The following SLC8A1 variants were observed in gnomAD, a reference collection of about 807,000 sequenced individuals.
SLC8A1 encodes the protein solute carrier family 8 member A1.
In SLC8A1, 18 loss-of-function variants were observed where a neutral mutation model predicts 68.3. The observed-to-expected ratio is 0.26, with a 90% confidence interval of 0.18 to 0.39. The LOEUF (loss-of-function observed/expected upper bound fraction) is 0.39. Ranked by LOEUF, SLC8A1 falls within the 10% of genes least tolerant of loss-of-function variation. The pLI, the probability that SLC8A1 is intolerant of heterozygous loss-of-function variation, is 1.00. For missense variants in SLC8A1, 985 were observed against 1,156.7 expected (o/e 0.85, Z 2.15); for synonymous variants, 475 against 415.5 (o/e 1.14, Z -1.74).
At chr2:40,270,678 T>C (rs1357793198) in intron 2 of SLC8A1, among the ~76,000 whole-genome samples, 1 of 152,210 alleles carries the variant, frequency 6.6e-6, no homozygotes, top group African/African-American at 2.4e-5. Flanking sequence ...TCTCAAGGAC[T>C]TAATCACACC....
chr2:40,135,363 G>T (rs12712683), intron 7 of SLC8A1, among the ~76,000 whole-genome samples: 2 of 151,832 alleles, frequency 1.3e-5, no homozygotes, highest in African/African-American at 2.4e-5. Flanking sequence ...GTGTAGACTA[G>T]GATGGTGGTG....
chr2:40,471,349 G>T (rs1703978375), intron 1 of SLC8A1, among the ~76,000 whole-genome samples: 1 of 151,814 alleles, frequency 6.6e-6, no homozygotes, highest in Non-Finnish European at 1.5e-5. Context: ...TTTCTACCTT[G>T]AAAGTCCTAC....
At chr2:40,167,878 C>A (rs1199669109) in intron 4 of SLC8A1, among the ~76,000 whole-genome samples, 1 of 152,120 alleles carries the variant, frequency 6.6e-6, no homozygotes, top group African/African-American at 2.4e-5. Context: ...ATATAAATAT[C>A]CAGCACATAA....
intron 6 of SLC8A1, among the ~76,000 whole-genome samples, chr2:40,159,166 C>G (rs553891041): frequency 1.3e-5 from 2 of 152,294 alleles, no homozygotes; most frequent in South Asian, 4.1e-4. Context: ...ATTTCCTGTT[C>G]CCTTCCACAG....
chr2:40,255,128 A>G (rs1368119164), intron 2 of SLC8A1: 1 of 151,930 alleles, frequency 6.6e-6, no homozygotes, highest in African/African-American at 2.4e-5. Context: ...TTTTCCTCCT[A>G]GTTGTTGGTT....
At position 40,413,968 on chromosome 2, in the gene SLC8A1, G is replaced by A. The variant is rs893219331; in HGVS notation, c.1808+14505C>T. Among the ~76,000 whole-genome samples, 2 of 152,068 alleles carry A rather than the reference G, an allele frequency of 1.3e-5. 1 individual carries two copies. The highest frequency in any genetic ancestry group is 2.9e-5 in the Non-Finnish European group (2 of 68,018). On this transcript the variant is annotated intron_variant, in intron 2 of 7. Transcript: ENST00000406785. ...CAACAGTTAAGAAAATTAATTTGTTGAGCATCATATTTTATACTAATTAAA... is the reference window on the plus strand; with the variant it reads ...CAACAGTTAAGAAAATTAATTTGTTAAGCATCATATTTTATACTAATTAAA...
At chr2:40,412,699 C>T (rs1692532639) in intron 2 of SLC8A1, among the ~76,000 whole-genome samples, 1 of 152,140 alleles carries the variant, frequency 6.6e-6, no homozygotes, top group Admixed American at 6.6e-5. Flanking sequence ...GTCCACAAAA[C>T]CACAGCTGCT....
At chr2:40,290,143 T>G (rs2069035837) in intron 2 of SLC8A1, among the ~76,000 whole-genome samples, 1 of 152,010 alleles carries the variant, frequency 6.6e-6, no homozygotes, top group Non-Finnish European at 1.5e-5. Flanking sequence ...AACTGTTGGT[T>G]CCATTAAGTC....
intron 2 of SLC8A1, among the ~76,000 whole-genome samples, chr2:40,406,815 G>C (rs548369557): frequency 5.3e-5 from 8 of 152,276 alleles, no homozygotes; most frequent in African/African-American, 1.9e-4. Flanking sequence ...TCTGCAGAGG[G>C]ACCTAACTTC....
chr2:40,229,982 A>G (rs2059453174), intron 2 of SLC8A1, among the ~76,000 whole-genome samples: 1 of 152,180 alleles, frequency 6.6e-6, no homozygotes, highest in Non-Finnish European at 1.5e-5. Flanking sequence ...AAAATCTTAG[A>G]GATCAACTAA....
intron 2 of SLC8A1, among the ~76,000 whole-genome samples, chr2:40,359,443 C>T (rs778149320): frequency 9.9e-5 from 15 of 152,030 alleles, no homozygotes; most frequent in Middle Eastern, 6.8e-3. Flanking sequence ...GGGTTTTTGT[C>T]CTGAGCGCAA....
At chr2:40,368,089 C>A (rs1676838718) in intron 2 of SLC8A1, among the ~76,000 whole-genome samples, 1 of 152,032 alleles carries the variant, frequency 6.6e-6, no homozygotes, top group African/African-American at 2.4e-5. Context: ...ATCTGTAGCT[C>A]TGATTAAGCA....
intron 2 of SLC8A1, among the ~76,000 whole-genome samples, chr2:40,205,786 A>C (rs1350897035): frequency 6.7e-6 from 1 of 150,064 alleles, no homozygotes; most frequent in African/African-American, 2.4e-5. Flanking sequence ...GCGCTTGTAC[A>C]TCTGAACTTA....
intron 2 of SLC8A1, among the ~76,000 whole-genome samples, chr2:40,244,273 C>T (rs1574609742): frequency 6.6e-6 from 1 of 152,028 alleles, no homozygotes; most frequent in African/African-American, 2.4e-5. Context: ...ATGAAGAGAC[C>T]CACAGGCTAA....
At position 40,176,038 on chromosome 2, in the gene SLC8A1, G is replaced by A. The variant is rs561810688; in HGVS notation, c.1913-1196C>T. 2.1e-5 allele frequency: 9 copies of A among 432,748 alleles called. No homozygotes were observed. The East Asian group carries it at 6.0e-4, about 29-fold the overall frequency. The allele number at this position is 432,748 out of a possible 1,614,324, so 26.8% of individuals were successfully genotyped here. ...TGACAGGGCATTGGGTTGGGGGGAGGGGGACGTATAATTTGTCTTTCAGCT... is the reference window on the plus strand; with the variant it reads ...TGACAGGGCATTGGGTTGGGGGGAGAGGGACGTATAATTTGTCTTTCAGCT... On this transcript the variant is annotated intron_variant, in intron 3 of 7. Transcript: ENST00000406785.
At chr2:40,350,850 A>T (rs981481932) in intron 2 of SLC8A1, among the ~76,000 whole-genome samples, 1 of 152,094 alleles carries the variant, frequency 6.6e-6, no homozygotes, top group Non-Finnish European at 1.5e-5. Flanking sequence ...TATAATTCTC[A>T]AAATAATCAT....
At chr2:40,373,947 G>A (rs541781140) in intron 2 of SLC8A1, among the ~76,000 whole-genome samples, 4 of 152,078 alleles carry the variant, frequency 2.6e-5, no homozygotes, top group East Asian at 1.9e-4. Flanking sequence ...CAACTTGATA[G>A]AGCAAATAAA....
intron 5 of SLC8A1, among the ~76,000 whole-genome samples, chr2:40,163,301 T>A (rs961288480): frequency 6.6e-6 from 1 of 152,162 alleles, no homozygotes; most frequent in Non-Finnish European, 1.5e-5. Context: ...CTTCCTGTCA[T>A]GGGTGCATGG....
intron 2 of SLC8A1, among the ~76,000 whole-genome samples, chr2:40,237,519 A>T (rs1319687456): frequency 6.6e-6 from 1 of 151,752 alleles, no homozygotes; most frequent in East Asian, 1.9e-4. Context: ...AATTTTTTTC[A>T]AAGTTTTCAA....
Sources: gnomAD v4.1 joint callset for allele counts (sites outside exome capture counted in the v4.1 genomes callset) on GRCh38, gnomAD v4.1.1 for gene constraint, MANE v1.5 for transcripts, NCBI Gene and HGNC (gene_info 2026-07-23, HGNC 2026-07-21) for gene names.